SPOCK1: variants seen among roughly 807,000 people sequenced by gnomAD.
SPOCK1 encodes testican-1.
In SPOCK1, 23 loss-of-function variants were observed where a neutral mutation model predicts 55.3. That is an observed-to-expected ratio of 0.42 (90% CI 0.30 to 0.59). The LOEUF is 0.59. Among genes scored for constraint, SPOCK1 ranks in the 20% least tolerant of loss-of-function variants. SPOCK1 has a pLI of 0.22. For synonymous variants in SPOCK1, 226 were observed against 221.0 expected (o/e 1.02, Z -0.20); for missense variants, 499 against 552.5 (o/e 0.90, Z 0.97).
At chr5:137,202,475 TATCC>T in intron 3 of SPOCK1, among the ~76,000 whole-genome samples, 1 of 152,342 alleles carries the variant, frequency 6.6e-6, no homozygotes, top group South Asian at 2.1e-4. Flanking sequence ...GACCTGGTTT[TATCC>T]ATCCTGATAT....
intron 2 of SPOCK1, among the ~76,000 whole-genome samples, chr5:137,347,414 T>C (rs1750582123): frequency 6.6e-6 from 1 of 152,174 alleles, no homozygotes; most frequent in African/African-American, 2.4e-5. Context: ...TCATGCTTCT[T>C]TGTCCTTCCA....
At chr5:137,481,709 C>T (rs965965586) in intron 2 of SPOCK1, among the ~76,000 whole-genome samples, 1 of 152,186 alleles carries the variant, frequency 6.6e-6, no homozygotes, top group African/African-American at 2.4e-5. Flanking sequence ...TGATGGGTCA[C>T]GGAGTAGCAA....
chr5:137,327,225 A>G (rs1758097438), intron 2 of SPOCK1, among the ~76,000 whole-genome samples: 1 of 152,170 alleles, frequency 6.6e-6, no homozygotes, highest in South Asian at 2.1e-4. Context: ...AGACCTGATG[A>G]GTTAATCACC....
intron 3 of SPOCK1, among the ~76,000 whole-genome samples, chr5:137,204,234 T>C (rs1755481201): frequency 1.3e-5 from 2 of 152,164 alleles, no homozygotes; most frequent in Admixed American, 1.3e-4. Context: ...TATTATTTTT[T>C]TATTTTGTTC....
At chr5:137,300,665 C>T (rs149068891) in intron 2 of SPOCK1, among the ~76,000 whole-genome samples, 6 of 150,818 alleles carry the variant, frequency 4.0e-5, no homozygotes, top group East Asian at 3.9e-4. Flanking sequence ...TTCAGAGGGC[C>T]GCCAATAACT....
intron 4 of SPOCK1, among the ~76,000 whole-genome samples, chr5:137,117,777 G>A (rs1407950586): frequency 6.6e-6 from 1 of 152,030 alleles, no homozygotes; most frequent in East Asian, 1.9e-4. Flanking sequence ...TGAGAAGTGG[G>A]TGGAGGGAGC....
chr5:137,110,542 T>C (rs60714702), intron 5 of SPOCK1, among the ~76,000 whole-genome samples: 24,705 of 152,124 alleles, frequency 0.16, 2,504 homozygotes, highest in East Asian at 0.37. Context: ...ACTCCAGACA[T>C]GGCTAGGGTG....
intron 9 of SPOCK1, among the ~76,000 whole-genome samples, chr5:136,980,709 T>C (rs926101780): frequency 5.3e-5 from 8 of 152,220 alleles, no homozygotes; most frequent in African/African-American, 1.4e-4. Flanking sequence ...TATTTCTTCA[T>C]AGCAGTGTGA....
At chr5:137,149,684 T>G (rs947476174) in intron 3 of SPOCK1, among the ~76,000 whole-genome samples, 2 of 152,258 alleles carry the variant, frequency 1.3e-5, no homozygotes, top group Non-Finnish European at 2.9e-5. Flanking sequence ...TTAACTCTTT[T>G]GGTGCTGATT....
At chr5:137,259,849 T>A (rs894590841) in intron 3 of SPOCK1, among the ~76,000 whole-genome samples, 1 of 152,172 alleles carries the variant, frequency 6.6e-6, no homozygotes, top group Non-Finnish European at 1.5e-5. Flanking sequence ...AAGAGACTTC[T>A]TTGGCCTTTT....
intron 2 of SPOCK1, among the ~76,000 whole-genome samples, chr5:137,399,748 C>T (rs1751935219): frequency 6.6e-6 from 1 of 152,080 alleles, no homozygotes; most frequent in South Asian, 2.1e-4. Context: ...AAATTGATTG[C>T]TTTTAATTGT....
chr5:137,381,220 C>T (rs977544804), intron 2 of SPOCK1, among the ~76,000 whole-genome samples: 1 of 152,216 alleles, frequency 6.6e-6, no homozygotes, highest in African/African-American at 2.4e-5. Context: ...TTCCCAGGGC[C>T]TTGGGCAGCT....
chr5:137,452,069 G>A (rs555971552), intron 2 of SPOCK1, among the ~76,000 whole-genome samples: 15 of 152,240 alleles, frequency 9.9e-5, no homozygotes, highest in African/African-American at 3.6e-4. Flanking sequence ...TCAGGTTGAT[G>A]GCCAAAAAGT....
At chr5:137,272,458 C>T (rs1437745976) in intron 2 of SPOCK1, among the ~76,000 whole-genome samples, 1 of 152,170 alleles carries the variant, frequency 6.6e-6, no homozygotes, top group South Asian at 2.1e-4. Flanking sequence ...CAAAACACTC[C>T]ATTTATTAAG....
chr5:137,268,087 T>C (rs898234795), intron 2 of SPOCK1, among the ~76,000 whole-genome samples: 2 of 152,238 alleles, frequency 1.3e-5, no homozygotes, highest in African/African-American at 4.8e-5. Context: ...TTTAAATTAT[T>C]GTCCATGCTG....
intron 3 of SPOCK1, among the ~76,000 whole-genome samples, chr5:137,205,784 G>A (rs530132390): frequency 6.6e-6 from 1 of 152,204 alleles, no homozygotes; most frequent in East Asian, 1.9e-4. Flanking sequence ...GAGAAACAGT[G>A]GAATTAAAGA....
At chr5:137,362,490 C>G (rs137929431) in intron 2 of SPOCK1, among the ~76,000 whole-genome samples, 2 of 151,920 alleles carry the variant, frequency 1.3e-5, no homozygotes, top group Non-Finnish European at 2.9e-5. Context: ...CCACCACGCC[C>G]GGCTAATTTC....
intron 2 of SPOCK1, among the ~76,000 whole-genome samples, chr5:137,408,936 A>T (rs185884136): frequency 2.3e-3 from 350 of 152,312 alleles, no homozygotes; most frequent in Non-Finnish European, 3.0e-3. Context: ...GTGAGTGGGA[A>T]GACAGCCCTC....
At position 137,211,136 on chromosome 5, in the gene SPOCK1, G is replaced by A. The variant is rs887861793; in HGVS notation, c.232+55874C>T. On this transcript the variant is annotated intron_variant, in intron 3 of 10. Transcript: ENST00000394945. ...AGCCCCCATCTAATGCTATTTCTTT[G>A]AAGATGAAGAAACAGAGGTCCAGGG... 2.0e-5 allele frequency among the ~76,000 whole-genome samples: 3 copies of A among 152,174 alleles called. No homozygotes were observed. In the East Asian group the frequency reaches 5.8e-4, roughly 29 times the overall value.
Sources: allele counts gnomAD v4.1 joint callset (sites outside exome capture counted in the v4.1 genomes callset), GRCh38; gene constraint gnomAD v4.1.1; transcripts MANE v1.5; gene names NCBI Gene and HGNC (gene_info 2026-07-23, HGNC 2026-07-21).